Variants in ITPR1 observed in about 807,000 individuals in gnomAD.
ITPR1 encodes the protein inositol 1,4,5-trisphosphate receptor type 1.
ITPR1 carries 96 observed loss-of-function variants against 318.4 expected under a neutral mutation model. That is an observed-to-expected ratio of 0.30 (90% CI 0.26 to 0.36). The LOEUF (loss-of-function observed/expected upper bound fraction) is 0.36, where lower values mean the gene tolerates loss of function less well. Ranked by LOEUF, ITPR1 falls within the 10% of genes least tolerant of loss-of-function variation. The pLI is 1.00. For synonymous variants in ITPR1, 1,312 were observed against 1,289.9 expected (o/e 1.02, Z -0.37); for missense variants, 2,440 against 3,460.2 (o/e 0.71, Z 7.40).
At chr3:4,682,999 G>A (rs2054869) in intron 26 of ITPR1, among the ~76,000 whole-genome samples, 55,234 of 151,898 alleles carry the variant, frequency 0.36, 10,193 homozygotes, top group South Asian at 0.56. Context: ...ATTCAGCCTG[G>A]GCAACATAGC....
intron 56 of ITPR1, 114 bp from the exon 57 acceptor site, chr3:4,813,028 T>C (rs773662504): frequency 1.0e-5 from 8 of 787,696 alleles, no homozygotes; most frequent in Non-Finnish European, 1.6e-5. Context: ...TATGCAAGAT[T>C]CTAGGGTGTT....
chr3:4,753,292 A>T (rs2044688627), intron 44 of ITPR1, among the ~76,000 whole-genome samples: 1 of 152,094 alleles, frequency 6.6e-6, no homozygotes, highest in Non-Finnish European at 1.5e-5. Context: ...GCCGATCCCT[A>T]GTCGGTGCTT....
At chr3:4,649,447 C>T (rs1237673422) in intron 10 of ITPR1, among the ~76,000 whole-genome samples, 1 of 152,174 alleles carries the variant, frequency 6.6e-6, no homozygotes, top group Non-Finnish European at 1.5e-5. Flanking sequence ...CATTATATGT[C>T]TGTAGCTTAT....
intron 2 of ITPR1, among the ~76,000 whole-genome samples, chr3:4,501,424 G>C (rs2081013338): frequency 6.6e-6 from 1 of 152,226 alleles, no homozygotes; most frequent in South Asian, 2.1e-4. Flanking sequence ...AGCAATTGCA[G>C]ACTCTCAGAC....
intron 4 of ITPR1, 89 bp downstream of exon 4, chr3:4,521,183 A>C: frequency 1.3e-6 from 1 of 782,648 alleles, no homozygotes; most frequent in Non-Finnish European, 2.2e-6. Flanking sequence ...GTTTATAAGC[A>C]AAATAGGCTT....
chr3:4,581,723 CTAAA>C (rs1376290050), intron 4 of ITPR1, among the ~76,000 whole-genome samples: 4 of 152,206 alleles, frequency 2.6e-5, no homozygotes, highest in Non-Finnish European at 2.9e-5. Context: ...CTGGTTATAA[CTAAA>C]TAGTGTACGG....
At chr3:4,593,707 A>G (rs551943054) in intron 4 of ITPR1, among the ~76,000 whole-genome samples, 77 of 152,372 alleles carry the variant, frequency 5.1e-4, no homozygotes, top group African/African-American at 1.8e-3. Context: ...TAGTTCACTT[A>G]TAAGACATGA....
chr3:4,653,886 A>T lies in ITPR1; in HGVS notation c.996A>T (p.Ser332=). ...AAGAATGCCTGGAGTTTCAGCCCTC[A>T]GTAAGTATGGACAAGAGCCTTCTTG... ...FEEECLEFQP[S]VDPDQDASRS... Residue 332 remains serine, a splice_region_variant and synonymous_variant, in exon 12 of 62, where the codon TCA becomes TCT. Coordinates refer to ENST00000649015, the MANE Select transcript of ITPR1 (RefSeq NM_001378452.1). 6.2e-7 allele frequency: 1 copy of T among 1,607,220 alleles called. No homozygotes were observed. Among genetic ancestry groups the T allele is most frequent in the Non-Finnish European group, 8.5e-7 (1 of 1,174,654 alleles).
chr3:4,840,694 G>C (rs1378007656), intron 61 of ITPR1, among the ~76,000 whole-genome samples: 1 of 152,172 alleles, frequency 6.6e-6, no homozygotes, highest in African/African-American at 2.4e-5. Flanking sequence ...GGTTAGGATT[G>C]CTATTCTAAG....
intron 51 of ITPR1, among the ~76,000 whole-genome samples, chr3:4,786,403 G>A (rs542634967): frequency 5.9e-5 from 9 of 152,344 alleles, no homozygotes; most frequent in Admixed American, 5.2e-4. Flanking sequence ...CAGAACTTAT[G>A]GAGGCAGGGC....
rs2051852580 is a variant in ITPR1 at position 4,847,296 on chromosome 3, A to G, written c.*1071A>G. ...ACATTTTGGTTTTATTTCTTGTCAC[A>G]TGATTTCTTTTCTTGATGGATGAAA... On this transcript the variant is annotated 3_prime_UTR_variant, in exon 62 of 62. Coordinates refer to ENST00000649015, the MANE Select transcript of ITPR1 (RefSeq NM_001378452.1). The G allele has an allele frequency of 6.6e-6, 1 of 151,862 alleles. No individual in the cohort carries two copies. Among genetic ancestry groups the G allele is most frequent in the African/African-American group, 2.4e-5 (1 of 41,234 alleles). The allele number at this position is 151,862 out of a possible 1,614,324, so 9.4% of individuals were successfully genotyped here. A position where few individuals can be genotyped will look rare whatever the true frequency, so the allele number is the denominator to read the frequency against.
intron 5 of ITPR1, among the ~76,000 whole-genome samples, chr3:4,638,321 CTA>C (rs1221332919): frequency 6.6e-6 from 1 of 152,214 alleles, no homozygotes; most frequent in Non-Finnish European, 1.5e-5. Context: ...TTTCACCAGT[CTA>C]TGTTTGGGAG....
chr3:4,513,162 C>A (rs2081958977), intron 2 of ITPR1, among the ~76,000 whole-genome samples: 3 of 152,188 alleles, frequency 2.0e-5, no homozygotes, highest in African/African-American at 7.2e-5. Flanking sequence ...AGGAAGTCTT[C>A]CAGAAGATTG....
chr3:4,714,104 C>A (rs1191692025), intron 39 of ITPR1, among the ~76,000 whole-genome samples: 1 of 152,292 alleles, frequency 6.6e-6, no homozygotes. Flanking sequence ...GTCTGTCTCA[C>A]TAAGGCTTTT....
chr3:4,641,646 G>A (rs1356552791), intron 6 of ITPR1, among the ~76,000 whole-genome samples: 1 of 152,240 alleles, frequency 6.6e-6, no homozygotes, highest in Non-Finnish European at 1.5e-5. Flanking sequence ...GAAGTGCTGG[G>A]ATTACAGACA....
At chr3:4,712,101 C>T (rs915292694) in intron 39 of ITPR1, among the ~76,000 whole-genome samples, 1 of 152,204 alleles carries the variant, frequency 6.6e-6, no homozygotes, top group African/African-American at 2.4e-5. Context: ...CTGATTGCCA[C>T]ATAATCTAAT....
intron 52 of ITPR1, among the ~76,000 whole-genome samples, chr3:4,788,935 G>T (rs187596833): frequency 6.6e-6 from 1 of 152,230 alleles, no homozygotes; most frequent in Non-Finnish European, 1.5e-5. Context: ...GAGAACAGCC[G>T]TGTTGGAGGT....
At chr3:4,825,455 A>G (rs2050010929) in intron 60 of ITPR1, among the ~76,000 whole-genome samples, 1 of 152,218 alleles carries the variant, frequency 6.6e-6, no homozygotes, top group African/African-American at 2.4e-5. Context: ...GCTTCAAAAA[A>G]AGTAACATGC....
At chr3:4,696,936 C>T (rs1423629773) in intron 33 of ITPR1, among the ~76,000 whole-genome samples, 1 of 151,990 alleles carries the variant, frequency 6.6e-6, no homozygotes, top group Admixed American at 6.6e-5. Context: ...CATTCTTTAC[C>T]TTGAGATCAT....
Sources: gnomAD v4.1 joint callset for allele counts (sites outside exome capture counted in the v4.1 genomes callset) on GRCh38, gnomAD v4.1.1 for gene constraint, MANE v1.5 for transcripts, NCBI Gene and HGNC (gene_info 2026-07-23, HGNC 2026-07-21) for gene names.